Variants in PLAC1 observed in about 807,000 individuals in gnomAD.
The protein encoded by PLAC1 is placenta associated 1.
For synonymous variants in PLAC1, 68 were observed against 62.1 expected (o/e 1.09, Z -0.44); for missense variants, 136 against 163.2 (o/e 0.83, Z 0.91).
At chrX:134,650,954 G>A (rs2078359563) in intron 1 of PLAC1, 2 of 216,824 alleles carry the variant, frequency 9.2e-6, no homozygotes, top group South Asian at 1.6e-4. Context: ...AGCTCAGGGA[G>A]CTGAATATCA....
chrX:134,677,232 T>C (rs1354156221), intron 2 of PLAC1, among the ~76,000 whole-genome samples: 1 of 111,472 alleles, frequency 9.0e-6, no homozygotes, highest in Non-Finnish European at 1.9e-5. Flanking sequence ...ACTCAACAGA[T>C]ATTAACTGAG....
intron 2 of PLAC1, among the ~76,000 whole-genome samples, chrX:134,589,534 C>G (rs1361172082): frequency 1.8e-5 from 2 of 109,839 alleles, no homozygotes; most frequent in Non-Finnish European, 3.8e-5. Context: ...CGAGACCAGC[C>G]TGGCCAACAT....
intron 2 of PLAC1, among the ~76,000 whole-genome samples, chrX:134,691,757 G>C (rs1290053350): frequency 6.3e-5 from 7 of 111,293 alleles, no homozygotes; most frequent in Non-Finnish European, 1.9e-5. Flanking sequence ...AGATGAGATG[G>C]GGGGCACTGA....
At chrX:134,712,124 G>A (rs1034018334) in intron 2 of PLAC1, among the ~76,000 whole-genome samples, 1 of 110,914 alleles carries the variant, frequency 9.0e-6, no homozygotes, top group African/African-American at 3.3e-5. Flanking sequence ...AACAGTTCTA[G>A]TACCCTTCAA....
At chrX:134,629,017 T>A (rs2078248475) in intron 1 of PLAC1, among the ~76,000 whole-genome samples, 1 of 112,278 alleles carries the variant, frequency 8.9e-6, no homozygotes, top group Non-Finnish European at 1.9e-5. Context: ...TAAGAGCCCA[T>A]CTTTTGAAAA....
chrX:134,644,039 C>G (rs996156271), intron 1 of PLAC1, among the ~76,000 whole-genome samples: 5 of 110,556 alleles, frequency 4.5e-5, no homozygotes, highest in African/African-American at 6.6e-5. Context: ...CACACAGAAG[C>G]AATACACAAG....
At chrX:134,641,585 A>C (rs2124426368) in intron 1 of PLAC1, among the ~76,000 whole-genome samples, 1 of 111,966 alleles carries the variant, frequency 8.9e-6, no homozygotes, top group Admixed American at 9.4e-5. Context: ...GAGCAGGAAA[A>C]CCCTCAGTCA....
At chrX:134,733,473 C>T (rs2078694717) in exon 2 of PLAC1, 1 of 111,851 alleles carries the variant, frequency 8.9e-6, no homozygotes, top group Non-Finnish European at 1.9e-5. Context: ...CAGAAAGATA[C>T]TTGCCTTTCT....
chrX:134,741,702 GAA>G (rs60020281), intron 1 of PLAC1, among the ~76,000 whole-genome samples: 6,495 of 70,530 alleles, frequency 0.092, 652 homozygotes, highest in African/African-American at 0.28. Flanking sequence ...CTCTGTCTTG[GAA>G]AAAAAAAAAA....
At chrX:134,596,391 G>A (rs1466205299) in intron 2 of PLAC1, among the ~76,000 whole-genome samples, 1 of 111,574 alleles carries the variant, frequency 9.0e-6, no homozygotes, top group Non-Finnish European at 1.9e-5. Context: ...TAGCTCTGAT[G>A]GAGACAGGTT....
intron 1 of PLAC1, among the ~76,000 whole-genome samples, chrX:134,615,717 T>C (rs1446296764): frequency 8.9e-6 from 1 of 111,843 alleles, no homozygotes; most frequent in Non-Finnish European, 1.9e-5. Flanking sequence ...TTTCAGGTCT[T>C]ATATGTAGGC....
At chrX:134,719,580 A>G (rs1602934792) in intron 2 of PLAC1, among the ~76,000 whole-genome samples, 1 of 111,582 alleles carries the variant, frequency 9.0e-6, no homozygotes, top group Non-Finnish European at 1.9e-5. Context: ...ACTTGAGGTC[A>G]GGAGTTTGAG....
chrX:134,646,543 C>T (rs775324855), intron 1 of PLAC1, among the ~76,000 whole-genome samples: 17 of 112,104 alleles, frequency 1.5e-4, no homozygotes, highest in East Asian at 2.8e-4. Context: ...ATGACTTCCA[C>T]GATGGTCTAT....
chrX:134,698,914 T>A (rs767414656), intron 2 of PLAC1, among the ~76,000 whole-genome samples: 2 of 111,129 alleles, frequency 1.8e-5, no homozygotes, highest in African/African-American at 6.5e-5. Flanking sequence ...GAAAATGGCA[T>A]CACCATCCAC....
intron 2 of PLAC1, among the ~76,000 whole-genome samples, chrX:134,695,572 G>A (rs927299944): frequency 8.9e-6 from 1 of 112,038 alleles, no homozygotes; most frequent in Non-Finnish European, 1.9e-5. Flanking sequence ...ACTGATGCAG[G>A]TAGAATAAAG....
intron 2 of PLAC1, among the ~76,000 whole-genome samples, chrX:134,701,293 G>A (rs1374259241): frequency 5.4e-5 from 6 of 111,272 alleles, no homozygotes; most frequent in African/African-American, 2.0e-4. Flanking sequence ...AACTCAAGAT[G>A]GATCAAAAAT....
chrX:134,604,669 G>A (rs1249603227), intron 1 of PLAC1: 1 of 111,875 alleles, frequency 8.9e-6, no homozygotes, highest in Non-Finnish European at 1.9e-5. Context: ...GACCTTCCAT[G>A]TTGACCAGTA....
intron 1 of PLAC1, among the ~76,000 whole-genome samples, chrX:134,642,629 AT>A (rs2078312675): frequency 9.0e-6 from 1 of 111,444 alleles, no homozygotes; most frequent in Non-Finnish European, 1.9e-5. Context: ...CCTGAAAGAC[AT>A]GATGCATAAA....
At chrX:134,741,425 G>T (rs1479485798) in intron 1 of PLAC1, among the ~76,000 whole-genome samples, 2 of 111,929 alleles carry the variant, frequency 1.8e-5, no homozygotes, top group Non-Finnish European at 3.8e-5. Flanking sequence ...AAATTAAGTA[G>T]CAAGGTAGTT....
Sources: gnomAD v4.1 joint callset for allele counts (sites outside exome capture counted in the v4.1 genomes callset) on GRCh38, gnomAD v4.1.1 for gene constraint, MANE v1.5 for transcripts, NCBI Gene and HGNC (gene_info 2026-07-23, HGNC 2026-07-21) for gene names.